Variants in HEMK2 observed in about 807,000 individuals in gnomAD.
HEMK2 encodes HemK methyltransferase 2, ETF1 glutamine and histone H4 lysine, also known as methyltransferase HEMK2.
the HEMK2 span, among the ~76,000 whole-genome samples, chr21:28,663,983 T>C: frequency 3.3e-5 from 5 of 152,218 alleles, no homozygotes; most frequent in African/African-American, 4.8e-5. Context: ...ATACGCATTG[T>C]ACATATAGTA....
At chr21:28,811,337 G>A in the HEMK2 span, among the ~76,000 whole-genome samples, 2 of 142,902 alleles carry the variant, frequency 1.4e-5, no homozygotes, top group African/African-American at 2.6e-5. Flanking sequence ...GAAGGAAGGA[G>A]AAAGAAAGGA....
At chr21:28,729,264 C>T in the HEMK2 span, among the ~76,000 whole-genome samples, 74,739 of 152,040 alleles carry the variant, frequency 0.49, 20,883 homozygotes, top group East Asian at 0.78. Flanking sequence ...GCTGGCTTTG[C>T]ATGCACTTGA....
chr21:28,625,877 T>C, the HEMK2 span, among the ~76,000 whole-genome samples: 10 of 152,142 alleles, frequency 6.6e-5, no homozygotes, highest in Admixed American at 5.2e-4. Flanking sequence ...CAAGGATGAA[T>C]ATATTTATTG....
At chr21:28,843,522 T>G in the HEMK2 span, among the ~76,000 whole-genome samples, 2 of 151,560 alleles carry the variant, frequency 1.3e-5, no homozygotes, top group South Asian at 4.1e-4. Flanking sequence ...CTTAATGATC[T>G]TCTTCCAAAA....
At chr21:28,704,343 G>C in the HEMK2 span, among the ~76,000 whole-genome samples, 14 of 152,194 alleles carry the variant, frequency 9.2e-5, no homozygotes, top group South Asian at 2.9e-3. Context: ...ATACTCATGA[G>C]GCATTTCCTA....
chr21:28,741,597 G>A, the HEMK2 span, among the ~76,000 whole-genome samples: 1 of 152,084 alleles, frequency 6.6e-6, no homozygotes. Flanking sequence ...TCCCCTCTAT[G>A]TGTCTCTGCG....
chr21:28,675,979 C>T, the HEMK2 span, among the ~76,000 whole-genome samples: 1 of 152,154 alleles, frequency 6.6e-6, no homozygotes, highest in South Asian at 2.1e-4. Flanking sequence ...TACCCTGCCC[C>T]GTGGAATTTA....
the HEMK2 span, among the ~76,000 whole-genome samples, chr21:28,739,844 A>G: frequency 6.6e-6 from 1 of 152,226 alleles, no homozygotes; most frequent in South Asian, 2.1e-4. Flanking sequence ...AAAGAAGGTT[A>G]AATACACAGT....
chr21:28,747,316 C>A, the HEMK2 span, among the ~76,000 whole-genome samples: 1 of 152,178 alleles, frequency 6.6e-6, no homozygotes, highest in Non-Finnish European at 1.5e-5. Flanking sequence ...AGCTATTGGA[C>A]CTCATGGAGC....
At chr21:28,643,369 C>A in the HEMK2 span, among the ~76,000 whole-genome samples, 2 of 152,112 alleles carry the variant, frequency 1.3e-5, no homozygotes, top group Non-Finnish European at 1.5e-5. Context: ...CACCCCTCCA[C>A]ATATGAGAAC....
At chr21:28,731,618 AG>A in the HEMK2 span, among the ~76,000 whole-genome samples, 1 of 81,270 alleles carries the variant, frequency 1.2e-5, no homozygotes, top group Non-Finnish European at 2.4e-5. Context: ...GGGTAGGGGG[AG>A]GGGGGAGGGA....
At chr21:28,664,456 TTTC>T in the HEMK2 span, among the ~76,000 whole-genome samples, 1 of 152,186 alleles carries the variant, frequency 6.6e-6, no homozygotes, top group African/African-American at 2.4e-5. Flanking sequence ...AATATTTCTC[TTTC>T]TTCTTTCTCT....
chr21:28,784,893 A>G, the HEMK2 span, among the ~76,000 whole-genome samples: 4 of 152,158 alleles, frequency 2.6e-5, no homozygotes, highest in African/African-American at 9.7e-5. Context: ...TCTTTGCAAT[A>G]AATCTTGCTG....
the HEMK2 span, among the ~76,000 whole-genome samples, chr21:28,647,559 G>A: frequency 6.6e-6 from 1 of 151,694 alleles, no homozygotes; most frequent in South Asian, 2.1e-4. Context: ...AATTCTGAGG[G>A]GCCAACCAAA....
the HEMK2 span, chr21:28,883,074 GAA>G: frequency 6.4e-7 from 1 of 1,560,802 alleles, no homozygotes; most frequent in South Asian, 1.2e-5. Flanking sequence ...TTTCCACTCT[GAA>G]AAAAAAATAA....
chr21:28,647,223 C>T, the HEMK2 span, among the ~76,000 whole-genome samples: 1 of 150,656 alleles, frequency 6.6e-6, no homozygotes, highest in Non-Finnish European at 1.5e-5. Context: ...CAGTGGCTCA[C>T]CCCTGTAATC....
At chr21:28,661,126 C>T in the HEMK2 span, among the ~76,000 whole-genome samples, 1 of 152,092 alleles carries the variant, frequency 6.6e-6, no homozygotes, top group African/African-American at 2.4e-5. Flanking sequence ...TTCCCAGGAG[C>T]TTACCAACTT....
At chr21:28,665,589 G>C in the HEMK2 span, among the ~76,000 whole-genome samples, 3 of 151,498 alleles carry the variant, frequency 2.0e-5, no homozygotes, top group Admixed American at 6.6e-5. Flanking sequence ...GGCAACAACA[G>C]GTGCTGGAGA....
the HEMK2 span, among the ~76,000 whole-genome samples, chr21:28,720,676 T>G: frequency 6.6e-6 from 1 of 152,112 alleles, no homozygotes; most frequent in Admixed American, 6.5e-5. Context: ...GATGTTGCAG[T>G]GAGCCGAGAT....
Sources: allele counts gnomAD v4.1 joint callset (sites outside exome capture counted in the v4.1 genomes callset), GRCh38; gene constraint gnomAD v4.1.1; transcripts MANE v1.5; gene names NCBI Gene and HGNC (gene_info 2026-07-23, HGNC 2026-07-21).